JMJD1C: variants seen among roughly 807,000 people sequenced by gnomAD.
JMJD1C encodes jumonji domain-containing protein 1C.
Under a neutral mutation model 245.3 loss-of-function variants are expected in JMJD1C, and 31 were observed. The ratio of observed to expected loss-of-function variants is 0.13; its 90% CI spans 0.09 to 0.17. The LOEUF (loss-of-function observed/expected upper bound fraction) is 0.17. Among genes scored for constraint, JMJD1C ranks in the 10% least tolerant of loss-of-function variants. The probability of loss-of-function intolerance (pLI) is 1.00; values close to 1 mark genes in which losing one functional copy is unlikely to be tolerated. For missense variants in JMJD1C, 2,691 were observed against 3,000.2 expected, an observed-to-expected ratio of 0.90 and a Z score of 2.41; for synonymous variants, 1,057 against 1,017.4, an observed-to-expected ratio of 1.04 and a Z score of -0.74.
intron 3 of JMJD1C, among the ~76,000 whole-genome samples, chr10:63,223,643 T>C (rs1013064027): frequency 6.6e-6 from 1 of 152,260 alleles, no homozygotes; most frequent in Non-Finnish European, 1.5e-5. Context: ...TCTTATTTAT[T>C]CAACAGGTTA....
intron 1 of JMJD1C, among the ~76,000 whole-genome samples, chr10:63,391,865 G>A (rs1948085441): frequency 6.6e-6 from 1 of 152,140 alleles, no homozygotes; most frequent in Non-Finnish European, 1.5e-5. Flanking sequence ...GAACAAAACT[G>A]AAGGAATCAC....
intron 2 of JMJD1C, among the ~76,000 whole-genome samples, chr10:63,295,774 T>G (rs1394172584): frequency 6.6e-6 from 1 of 151,890 alleles, no homozygotes; most frequent in Non-Finnish European, 1.5e-5. Flanking sequence ...GAGCTACTGT[T>G]CTTAAGGAAA....
At chr10:63,285,187 T>G (rs1347547452) in intron 2 of JMJD1C, among the ~76,000 whole-genome samples, 5 of 152,148 alleles carry the variant, frequency 3.3e-5, no homozygotes, top group Non-Finnish European at 7.3e-5. Flanking sequence ...CTGCAAGTCA[T>G]GTAGCACGCA....
intron 1 of JMJD1C, among the ~76,000 whole-genome samples, chr10:63,403,088 C>A (rs1337782349): frequency 1.3e-5 from 2 of 152,154 alleles, no homozygotes; most frequent in Non-Finnish European, 2.9e-5. Context: ...GACGGACAGA[C>A]CACTCTCTGG....
chr10:63,486,532 C>A lies in JMJD1C; in HGVS notation n.113+35206G>T, dbSNP rs1194845657. Among the ~76,000 whole-genome samples the A allele has an allele frequency of 2.6e-5, 4 of 152,018 alleles. No individual in the cohort carries two copies. The East Asian group carries it at 7.7e-4, about 29-fold the overall frequency. ...TGAAATAAGCTTAATTTATCTCTTC[C>A]TGTAACTTTAATCCTTCCTCCTCTA... is the stretch of plus-strand genomic sequence containing the variant. On this transcript the variant is annotated intron_variant and non_coding_transcript_variant, in intron 1 of 3. Coordinates refer to the JMJD1C transcript ENST00000633035.
chr10:63,349,430 T>C lies in JMJD1C; in HGVS notation c.333+30888A>G, dbSNP rs559476803. Among the ~76,000 whole-genome samples the C allele has an allele frequency of 5.9e-5, 9 of 152,342 alleles. No individual in the cohort carries two copies. In the East Asian group the frequency reaches 1.5e-3, roughly 26 times the overall value. ...CACTCTGTGTCAATGATGTTCAAGA[T>C]ATTGTGCTCTAGCACTTGGGGAGAA... On this transcript the variant is annotated intron_variant, in intron 2 of 25. Transcript: ENST00000399262.
intron 1 of JMJD1C, among the ~76,000 whole-genome samples, chr10:63,409,263 A>ACT (rs1231894443): frequency 6.6e-6 from 1 of 152,180 alleles, no homozygotes; most frequent in Non-Finnish European, 1.5e-5. Flanking sequence ...AAATTCTGGG[A>ACT]GGGATGGAAC....
intron 16 of JMJD1C, among the ~76,000 whole-genome samples, chr10:63,192,212 C>G (rs1420146381): frequency 1.5e-5 from 2 of 132,098 alleles, no homozygotes; most frequent in African/African-American, 3.0e-5. Flanking sequence ...CCCAGGAGTT[C>G]AAGAACAATC....
chr10:63,300,327 TG>T (rs755398988), intron 2 of JMJD1C, among the ~76,000 whole-genome samples: 13 of 152,114 alleles, frequency 8.5e-5, no homozygotes, highest in Non-Finnish European at 1.3e-4. Flanking sequence ...AGATTAGAGA[TG>T]AAAATATTTG....
intron 1 of JMJD1C, among the ~76,000 whole-genome samples, chr10:63,463,377 G>C (rs909093172): frequency 1.3e-4 from 20 of 152,092 alleles, no homozygotes; most frequent in South Asian, 6.2e-4. Context: ...ATGTTGCCCA[G>C]GCTAGTCTCA....
chr10:63,268,934 A>G (rs1410199414), intron 2 of JMJD1C: 1 of 985,574 alleles, frequency 1.0e-6, no homozygotes, highest in Non-Finnish European at 1.2e-6. Context: ...GCAAATGACG[A>G]TTTTCTGTCT....
chr10:63,214,892 C>A lies in JMJD1C; in HGVS notation c.1275G>T (p.Glu425Asp). ...AGGGAGGCTGGCTATTTTTTAGGGT[C>A]TCTTCTCCTGCCTTCTCATTATTAT... is the stretch of plus-strand genomic sequence containing the variant. ...KPHNNEKAGE[E>D]TLKNSQPPWD... The change falls in exon 8 of 26, where the codon GAG (glutamate) becomes GAT (aspartate). Residue 425 changes from glutamate (E) to aspartate (D), a missense_variant. Physicochemically the swap from Glu to Asp is conservative, Grantham distance 45 (BLOSUM62 2). This residue lies in a region of JMJD1C where 1,562 missense variants were observed against 1,490.7 expected (regional missense o/e 1.05). Coordinates refer to ENST00000399262, the MANE Select transcript of JMJD1C (RefSeq NM_032776.3). The A allele has an allele frequency of 6.2e-7, 1 of 1,613,574 alleles. No homozygotes were observed. The highest frequency in any genetic ancestry group is 1.1e-5 in the South Asian group (1 of 91,068).
At chr10:63,464,974 T>C (rs61853612) in intron 1 of JMJD1C, among the ~76,000 whole-genome samples, 121 of 152,246 alleles carry the variant, frequency 7.9e-4, no homozygotes, top group Admixed American at 3.8e-3. Flanking sequence ...CTAAAACACA[T>C]AGGAATCCCC....
intron 1 of JMJD1C, among the ~76,000 whole-genome samples, chr10:63,463,181 T>C (rs560915643): frequency 1.3e-5 from 2 of 152,320 alleles, no homozygotes; most frequent in South Asian, 4.1e-4. Flanking sequence ...TTTATTTATT[T>C]AGAGACAGGA....
At chr10:63,318,164 G>A (rs1347020083) in intron 2 of JMJD1C, among the ~76,000 whole-genome samples, 1 of 152,008 alleles carries the variant, frequency 6.6e-6, no homozygotes, top group East Asian at 1.9e-4. Context: ...CTGCCAACAC[G>A]CCCAGCTAAT....
chr10:63,513,330 T>C (rs1954925723), intron 1 of JMJD1C, among the ~76,000 whole-genome samples: 1 of 152,156 alleles, frequency 6.6e-6, no homozygotes, highest in African/African-American at 2.4e-5. Context: ...AAGACTTCAA[T>C]GTAAGACCTC....
intron 1 of JMJD1C, among the ~76,000 whole-genome samples, chr10:63,453,964 C>T (rs979957654): frequency 6.6e-6 from 1 of 152,188 alleles, no homozygotes; most frequent in African/African-American, 2.4e-5. Flanking sequence ...CTCAGGTGAT[C>T]CGCTCGCCTC....
At chr10:63,241,732 C>G (rs1851506150) in intron 3 of JMJD1C, among the ~76,000 whole-genome samples, 1 of 152,180 alleles carries the variant, frequency 6.6e-6, no homozygotes, top group Non-Finnish European at 1.5e-5. Flanking sequence ...CTACTGTCTT[C>G]TAATATGCTA....
intron 3 of JMJD1C, among the ~76,000 whole-genome samples, chr10:63,234,841 T>C (rs1210800593): frequency 6.6e-6 from 1 of 152,080 alleles, no homozygotes; most frequent in African/African-American, 2.4e-5. Flanking sequence ...TACCAGGTAT[T>C]ACTCAAATGA....
Sources: allele counts gnomAD v4.1 joint callset (sites outside exome capture counted in the v4.1 genomes callset), GRCh38; gene constraint gnomAD v4.1.1; regional missense constraint gnomAD v4.1.1; transcripts MANE v1.5; gene names NCBI Gene and HGNC (gene_info 2026-07-23, HGNC 2026-07-21).